TMC5: variants seen among roughly 807,000 people sequenced by gnomAD.
TMC5 encodes the protein transmembrane channel like 5.
TMC5 carries 86 observed loss-of-function variants against 110.5 expected under a neutral mutation model. That is an observed-to-expected ratio of 0.78 (90% CI 0.65 to 0.93). The LOEUF (loss-of-function observed/expected upper bound fraction) is 0.93, where lower values mean the gene tolerates loss of function less well. Among genes scored for constraint, TMC5 ranks in the 40% least tolerant of loss-of-function variants. TMC5 has a pLI of 0.00. For missense variants in TMC5, 1,144 were observed against 1,222.8 expected (o/e 0.94, Z 0.96); for synonymous variants, 455 against 439.5 (o/e 1.04, Z -0.44).
chr16:19,446,972 A>G (rs897891957), intron 4 of TMC5, among the ~76,000 whole-genome samples: 1 of 152,076 alleles, frequency 6.6e-6, no homozygotes, highest in Non-Finnish European at 1.5e-5. Flanking sequence ...TCCTAGTGTC[A>G]CAGTGCCTGG....
chr16:19,486,117 GGAAGCA>G (rs1319626575), intron 15 of TMC5, among the ~76,000 whole-genome samples: 1 of 152,222 alleles, frequency 6.6e-6, no homozygotes, highest in Non-Finnish European at 1.5e-5. Context: ...TTGCTGGGAT[GGAAGCA>G]GGCCCCCTCT....
chr16:19,432,715 CAG>C (rs1967219241), intron 2 of TMC5, among the ~76,000 whole-genome samples: 1 of 152,188 alleles, frequency 6.6e-6, no homozygotes, highest in South Asian at 2.1e-4. Context: ...AACTGTGAAA[CAG>C]ATGTGCAATA....
intron 5 of TMC5, among the ~76,000 whole-genome samples, chr16:19,459,669 C>A (rs1044448050): frequency 6.6e-6 from 1 of 152,030 alleles, no homozygotes; most frequent in Admixed American, 6.6e-5. Flanking sequence ...GTAGTCCCAG[C>A]TACTCTGGAG....
chr16:19,472,291 A>G, intron 11 of TMC5, 48 bp downstream of exon 11: 1 of 1,599,784 alleles, frequency 6.3e-7, no homozygotes, highest in Non-Finnish European at 8.5e-7. Context: ...TGAAGGGATG[A>G]GATGCTGGAG....
chr16:19,423,498 A>G (rs151226527), intron 1 of TMC5, among the ~76,000 whole-genome samples: 1 of 152,298 alleles, frequency 6.6e-6, no homozygotes, highest in African/African-American at 2.4e-5. Context: ...TTCCCCTAAT[A>G]AAGTTCTACC....
intron 17 of TMC5, among the ~76,000 whole-genome samples, chr16:19,489,491 C>A (rs1468650788): frequency 6.6e-6 from 1 of 152,158 alleles, no homozygotes; most frequent in African/African-American, 2.4e-5. Flanking sequence ...CCCGCCACCA[C>A]GCCCAGCTAA....
intron 12 of TMC5, among the ~76,000 whole-genome samples, chr16:19,475,802 CTTTT>C (rs1032784346): frequency 2.4e-5 from 3 of 127,358 alleles, no homozygotes; most frequent in East Asian, 4.5e-4. Flanking sequence ...AATTTTCTTT[CTTTT>C]TTTTTTTTTT....
chr16:19,469,642 A>G (rs1968275680), intron 9 of TMC5, 39 bp from the exon 10 acceptor site: 1 of 1,611,846 alleles, frequency 6.2e-7, no homozygotes. Context: ...AGTGACGGCC[A>G]TAATAACCTT....
intron 6 of TMC5, among the ~76,000 whole-genome samples, chr16:19,462,737 C>T (rs1968057322): frequency 6.6e-6 from 1 of 151,894 alleles, no homozygotes; most frequent in Non-Finnish European, 1.5e-5. Flanking sequence ...CCCATCTCTA[C>T]TAAAAATACA....
intron 4 of TMC5, among the ~76,000 whole-genome samples, chr16:19,448,353 G>A (rs1333048193): frequency 6.6e-6 from 1 of 151,466 alleles, no homozygotes; most frequent in Non-Finnish European, 1.5e-5. Flanking sequence ...CATGACTCAA[G>A]CCTGTAATCC....
intron 5 of TMC5, among the ~76,000 whole-genome samples, chr16:19,457,656 C>G (rs1967913281): frequency 1.4e-5 from 2 of 143,410 alleles, no homozygotes; most frequent in African/African-American, 5.0e-5. Context: ...AATTTAGTGA[C>G]CTGGAAGATC....
At chr16:19,437,002 C>G (rs1177412341) in intron 2 of TMC5, among the ~76,000 whole-genome samples, 2 of 152,004 alleles carry the variant, frequency 1.3e-5, no homozygotes, top group Admixed American at 1.3e-4. Flanking sequence ...ATAGAGAAAC[C>G]CTGTCTCTAT....
chr16:19,458,663 C>T (rs1208624102), intron 5 of TMC5, among the ~76,000 whole-genome samples: 1 of 152,142 alleles, frequency 6.6e-6, no homozygotes, highest in African/African-American at 2.4e-5. Context: ...GGGGCATCAC[C>T]TCTCACACTG....
At chr16:19,487,376 G>GA (rs779132559) in intron 17 of TMC5, 50 bp downstream of exon 17, 2 of 1,578,552 alleles carry the variant, frequency 1.3e-6, no homozygotes, top group African/African-American at 2.7e-5. Flanking sequence ...GTGGATGGGT[G>GA]TGTGTTTTAA....
At chr16:19,414,532 G>A (rs958635546), upstream of TMC5, among the ~76,000 whole-genome samples, 9 of 152,156 alleles carry the variant, frequency 5.9e-5, no homozygotes, top group African/African-American at 9.6e-5. Flanking sequence ...AGATGTGACC[G>A]TGCTATTCAT....
chr16:19,417,094 C>CAAAAAAAAAA (rs60613963), upstream of TMC5, among the ~76,000 whole-genome samples: 2 of 69,188 alleles, frequency 2.9e-5, no homozygotes, highest in Admixed American at 2.2e-4. Context: ...ACTCAGTCTT[C>CAAAAAAAAAA]AAAAAAAAAA....
chr16:19,436,273 G>GAAAAAGAAAAAAA (rs1967343333), intron 2 of TMC5, among the ~76,000 whole-genome samples: 1 of 107,604 alleles, frequency 9.3e-6, no homozygotes, highest in Non-Finnish European at 1.7e-5. Flanking sequence ...GTCTCAAAAA[G>GAAAAAGAAAAAAA]AAAAAAAAAA....
intron 19 of TMC5, among the ~76,000 whole-genome samples, chr16:19,493,461 C>CTT (rs879675265): frequency 0.039 from 2,042 of 52,534 alleles, 53 homozygotes; most frequent in African/African-American, 0.11. Context: ...CTCTCTCTCT[C>CTT]TCTCTTTTTT....
chr16:19,449,876 C>T (rs1428214235), intron 5 of TMC5, among the ~76,000 whole-genome samples: 1 of 152,194 alleles, frequency 6.6e-6, no homozygotes, highest in Non-Finnish European at 1.5e-5. Flanking sequence ...ATGCCTTCCA[C>T]CACGTTTGTA....
Sources: allele counts gnomAD v4.1 joint callset (sites outside exome capture counted in the v4.1 genomes callset), GRCh38; gene constraint gnomAD v4.1.1; transcripts MANE v1.5; gene names NCBI Gene and HGNC (gene_info 2026-07-23, HGNC 2026-07-21).